Variants in CAMK2B observed in about 807,000 individuals in gnomAD.
CAMK2B encodes the protein calcium/calmodulin dependent protein kinase II beta.
Under a neutral mutation model 93.7 loss-of-function variants are expected in CAMK2B, and 27 were observed. The observed-to-expected ratio is 0.29, with a 90% confidence interval of 0.21 to 0.40. The LOEUF (loss-of-function observed/expected upper bound fraction) is 0.40. Among genes scored for constraint, CAMK2B ranks in the 10% least tolerant of loss-of-function variants. CAMK2B has a pLI of 1.00. For missense variants in CAMK2B, 568 were observed against 895.8 expected (o/e 0.63, Z 4.67); for synonymous variants, 374 against 358.8 (o/e 1.04, Z -0.48).
intron 19 of CAMK2B, 43 bp from the exon 20 acceptor site, chr7:44,226,687 G>C (rs1326547016): frequency 2.7e-6 from 4 of 1,497,538 alleles, no homozygotes; most frequent in Non-Finnish European, 3.5e-6. Context: ...GCAGGCACGG[G>C]GGGCACGCAG....
At position 44,224,314 on chromosome 7, in the gene CAMK2B, C is replaced by G. The variant is rs1428505643; in HGVS notation, c.1597+2202G>C. On this transcript the variant is annotated intron_variant, in intron 20 of 23. Transcript: ENST00000395749. The surrounding 1 kb of genome is among the most constrained non-coding windows in gnomAD (Gnocchi z 4.4). Reference sequence around the variant, plus strand: ...CATAGCACATGGGAGCTTTTGTGTCCTTGATATCCAGGCCCCTGAAGAAGG... The same window carrying G: ...CATAGCACATGGGAGCTTTTGTGTCGTTGATATCCAGGCCCCTGAAGAAGG... Among the ~76,000 whole-genome samples, 3 of 152,228 alleles carry G rather than the reference C, an allele frequency of 2.0e-5. No individual in the cohort carries two copies. Among genetic ancestry groups the G allele is most frequent in the Admixed American group, 6.5e-5 (1 of 15,282 alleles).
At chr7:44,262,454 C>T (rs780339330) in intron 3 of CAMK2B, among the ~76,000 whole-genome samples, 5 of 152,206 alleles carry the variant, frequency 3.3e-5, no homozygotes, top group Admixed American at 6.5e-5. Flanking sequence ...CCTGGGCCAG[C>T]GCAAGAAAAC....
chr7:44,231,098 T>G (rs1425659657), intron 16 of CAMK2B, 44 bp from the exon 17 acceptor site: 1 of 1,522,964 alleles, frequency 6.6e-7, no homozygotes, highest in East Asian at 2.5e-5. Flanking sequence ...CGGCCAAGGA[T>G]AGGTGGGACG....
chr7:44,217,597 C>T lies in CAMK2B; in HGVS notation c.*1928G>A, dbSNP rs2128847056. 1 of 152,426 alleles carries T rather than the reference C, an allele frequency of 6.6e-6. No individual in the cohort carries two copies. The highest frequency in any genetic ancestry group is 1.9e-4 in the East Asian group (1 of 5,176). 9.4% of individuals were successfully genotyped at this position (152,426 alleles called of 1,614,324 possible). On this transcript the variant is annotated 3_prime_UTR_variant, in exon 24 of 24. Transcript: ENST00000395749. The stretch of plus-strand genomic sequence containing the variant: ...GTGCGGAGCCCGGCAGATGTTTACC[C>T]TGTGTTCATGGATGGGGACAGCTGT...
intron 20 of CAMK2B, among the ~76,000 whole-genome samples, chr7:44,223,100 T>C (rs2096432237): frequency 6.6e-6 from 1 of 152,190 alleles, no homozygotes; most frequent in South Asian, 2.1e-4. Flanking sequence ...CAGGACGGCA[T>C]GTGAATGTGT....
rs2096468047 is a variant in CAMK2B, at chr7:44,225,770, C to T, written c.1597+746G>A. The T allele has an allele frequency of 7.8e-7, 1 of 1,289,532 alleles. No homozygotes were observed. Among genetic ancestry groups the T allele is most frequent in the Non-Finnish European group, 1.0e-6 (1 of 988,810 alleles). 79.9% of individuals were successfully genotyped at this position (1,289,532 alleles called of 1,614,324 possible). On this transcript the variant is annotated intron_variant, in intron 20 of 23. Coordinates refer to ENST00000395749, the MANE Select transcript of CAMK2B (RefSeq NM_001220.5). This position sits in a 1 kb window ranked among gnomAD's most constrained non-coding sequence, Gnocchi z 5.0. ...TGTCCCTCAAGTACTTACCTAGCCA[C>T]TGCCCTGCCATGCCGAGCCCGTGGC... is the stretch of plus-strand genomic sequence containing the variant.
At chr7:44,266,629 G>T (rs1168788264) in intron 2 of CAMK2B, among the ~76,000 whole-genome samples, 1 of 152,218 alleles carries the variant, frequency 6.6e-6, no homozygotes, top group East Asian at 1.9e-4. Context: ...CCACTGAGCA[G>T]GTCCCGAGGC....
At chr7:44,276,547 T>C (rs1467737562) in intron 2 of CAMK2B, among the ~76,000 whole-genome samples, 6 of 152,004 alleles carry the variant, frequency 3.9e-5, no homozygotes, top group Non-Finnish European at 7.4e-5. Context: ...ATCAGAGACC[T>C]CAAGATGGTC....
intron 4 of CAMK2B, among the ~76,000 whole-genome samples, 170 bp from the exon 5 acceptor site, chr7:44,254,777 A>G (rs1396698671): frequency 8.3e-6 from 1 of 120,274 alleles, no homozygotes; most frequent in African/African-American, 3.2e-5. Flanking sequence ...ACCACCAACT[A>G]CCACCATCAC....
rs112352507 is a variant in CAMK2B, at chr7:44,247,628, G to A, written c.342-436C>T. Among the ~76,000 whole-genome samples, 909 of 152,354 alleles carry A rather than the reference G, an allele frequency of 6.0e-3. 8 individuals are homozygous for A. The highest frequency in any genetic ancestry group is 0.021 in the African/African-American group (862 of 41,570). On this transcript the variant is annotated intron_variant, in intron 5 of 23. Coordinates refer to ENST00000395749, the MANE Select transcript of CAMK2B (RefSeq NM_001220.5). Reference sequence around the variant, plus strand: ...GAAGGGTCAAGGCGGCTGGGGGTGGGGGCAGGGGGCTGCCCTGGTGTGTGA... The same window carrying A: ...GAAGGGTCAAGGCGGCTGGGGGTGGAGGCAGGGGGCTGCCCTGGTGTGTGA...
At chr7:44,237,936 C>T (rs2096641386) in intron 13 of CAMK2B, among the ~76,000 whole-genome samples, 1 of 152,208 alleles carries the variant, frequency 6.6e-6, no homozygotes, top group Non-Finnish European at 1.5e-5. Flanking sequence ...TATGCCCTTA[C>T]ACCTGATCAA....
At chr7:44,285,397 G>T (rs571991016) in intron 1 of CAMK2B, among the ~76,000 whole-genome samples, 36 of 152,134 alleles carry the variant, frequency 2.4e-4, no homozygotes, top group Non-Finnish European at 4.3e-4. Context: ...GTGCAAACCC[G>T]AGCACGCAGG....
chr7:44,306,785 A>G (rs1207461499), intron 1 of CAMK2B, among the ~76,000 whole-genome samples: 17 of 57,134 alleles, frequency 3.0e-4, no homozygotes, highest in South Asian at 6.9e-4. Context: ...GCAGGGGAGG[A>G]GGGTGTGGGC....
intron 1 of CAMK2B, among the ~76,000 whole-genome samples, chr7:44,308,949 C>G (rs997560684): frequency 5.9e-5 from 9 of 152,190 alleles, no homozygotes; most frequent in Non-Finnish European, 1.3e-4. Context: ...AGCAAAGGCA[C>G]TGAGGGAACT....
chr7:44,246,190 C>T (rs960061538), intron 6 of CAMK2B, among the ~76,000 whole-genome samples: 2 of 152,068 alleles, frequency 1.3e-5, no homozygotes, highest in South Asian at 2.1e-4. Flanking sequence ...CTCCCAGCGG[C>T]GTCAGCCCTG....
In CAMK2B at chr7:44,255,362, G is replaced by A. The variant is rs2096825310; in HGVS notation, c.276-755C>T. 2.6e-5 allele frequency among the ~76,000 whole-genome samples: 4 copies of A among 152,184 alleles called. No individual in the cohort carries two copies. The South Asian group carries it at 8.3e-4, about 31-fold the overall frequency. On this transcript the variant is annotated intron_variant, in intron 4 of 23. Coordinates refer to ENST00000395749, the MANE Select transcript of CAMK2B (RefSeq NM_001220.5). ...GGGTAATGTGGGCATGGAACAAAAA[G>A]GTGGAGGGGCTGGATGCACGGCAGG...
At position 44,247,159 on chromosome 7, in the gene CAMK2B, G is replaced by T. The variant is rs755448751; in HGVS notation, c.375C>A (p.Leu125=). The T allele has an allele frequency of 6.2e-7, 1 of 1,614,018 alleles. No homozygotes were observed. The highest frequency in any genetic ancestry group is 1.3e-5 in the African/African-American group (1 of 74,912). Residue 125 remains leucine, a synonymous_variant, in exon 6 of 24, where the codon CTC becomes CTA. Transcript: ENST00000395749. ...HCIQQILEAV[L]HCHQMGVVHR... ...GGACGACCCCCATTTGGTGACAATG[G>T]AGAACGGCCTCCAGGATCTGCTGGA...
chr7:44,276,396 C>T (rs539524709), intron 2 of CAMK2B, among the ~76,000 whole-genome samples: 11 of 152,292 alleles, frequency 7.2e-5, no homozygotes, highest in African/African-American at 1.7e-4. Flanking sequence ...ACTGCAGTAC[C>T]GGCTGCAGTA....
In CAMK2B at chr7:44,219,141, CG is replaced by C. The variant is rs2096366132; in HGVS notation, c.*383del. 6.6e-6 allele frequency: 1 copy of C among 152,164 alleles called. No homozygotes were observed. Among genetic ancestry groups the C allele is most frequent in the African/African-American group, 2.4e-5 (1 of 41,408 alleles). 9.4% of individuals were successfully genotyped at this position (152,164 alleles called of 1,614,324 possible). Reference sequence around the variant, plus strand: ...CAAACTAACACCGTTCAGCACGCGACGGGGGCCTGGCAGACAAGTTCATGTC... The same window carrying C: ...CAAACTAACACCGTTCAGCACGCGACGGGGCCTGGCAGACAAGTTCATGTC... On this transcript the variant is annotated 3_prime_UTR_variant, in exon 24 of 24. Coordinates refer to ENST00000395749, the MANE Select transcript of CAMK2B (RefSeq NM_001220.5).
Sources: allele counts gnomAD v4.1 joint callset (sites outside exome capture counted in the v4.1 genomes callset), GRCh38; gene constraint gnomAD v4.1.1; non-coding constraint Gnocchi (gnomAD v3.1); transcripts MANE v1.5; gene names NCBI Gene and HGNC (gene_info 2026-07-23, HGNC 2026-07-21).